ELP2: variants seen among roughly 807,000 people sequenced by gnomAD.
The protein encoded by ELP2 is elongator complex protein 2.
A neutral mutation model predicts 119.2 loss-of-function variants in ELP2; 90 were observed. The ratio of observed to expected loss-of-function variants is 0.75; its 90% CI spans 0.64 to 0.90. The LOEUF is 0.90. Ranked by LOEUF, ELP2 falls within the 40% of genes least tolerant of loss-of-function variation. ELP2 has a pLI of 0.00. For missense variants in ELP2, 921 were observed against 967.8 expected (o/e 0.95, Z 0.64); for synonymous variants, 339 against 331.0 (o/e 1.02, Z -0.26).
chr18:36,156,204 C>T (rs2090567394), intron 12 of ELP2, among the ~76,000 whole-genome samples: 5 of 152,098 alleles, frequency 3.3e-5, no homozygotes, highest in African/African-American at 7.2e-5. Flanking sequence ...TTGAGTAACA[C>T]GTGGTAGATT....
In ELP2 at chr18:36,136,301, T is replaced by G. The variant is rs1299317524; in HGVS notation, c.218-6T>G. The stretch of plus-strand genomic sequence containing the variant: ...AAGATATTTACTGAGATATAATTTT[T>G]TTCAGCCCCTTCTACTGAATTAGTT... On this transcript the variant is annotated splice_polypyrimidine_tract_variant and splice_region_variant and intron_variant, in intron 2 of 21. Transcript: ENST00000358232. The G allele has an allele frequency of 6.2e-7, 1 of 1,606,030 alleles. No individual in the cohort carries two copies. Among genetic ancestry groups the G allele is most frequent in the East Asian group, 2.2e-5 (1 of 44,828 alleles).
intron 20 of ELP2, among the ~76,000 whole-genome samples, chr18:36,170,636 T>A (rs1423494716): frequency 1.3e-5 from 2 of 152,170 alleles, no homozygotes; most frequent in Non-Finnish European, 2.9e-5. Context: ...TTTTGCAAAA[T>A]GCTTATGTTT....
intron 11 of ELP2, among the ~76,000 whole-genome samples, chr18:36,154,348 A>G (rs2050644595): frequency 6.6e-6 from 1 of 152,166 alleles, no homozygotes; most frequent in South Asian, 2.1e-4. Flanking sequence ...CTACACCTGT[A>G]ACTCTTTTTA....
Position 36,136,324 on chromosome 18 carries a change from G to A in ELP2, c.235G>A (p.Val79Ile), listed in dbSNP as rs750459760. Reference sequence around the variant, plus strand: ...TTTTTCAGCCCCTTCTACTGAATTAGTTTCTGGAGGATCTGATAATCAAGT... The same window carrying A: ...TTTTTCAGCCCCTTCTACTGAATTAATTTCTGGAGGATCTGATAATCAAGT... ...KQDGSPSTEL[V>I]SGGSDNQVIH... is the part of the protein sequence containing the mutation. Residue 79 changes from valine to isoleucine, a missense_variant, in exon 3 of 22, where the codon GTT becomes ATT. By Grantham distance (29) the Val-to-Ile change is conservative. Coordinates refer to ENST00000358232, the MANE Select transcript of ELP2 (RefSeq NM_018255.4). 3.7e-6 allele frequency: 6 copies of A among 1,611,512 alleles called. No homozygotes were observed. Among genetic ancestry groups the A allele is most frequent in the Non-Finnish European group, 5.1e-6 (6 of 1,177,630 alleles).
At chr18:36,133,924 T>A (rs1319386644) in intron 2 of ELP2, among the ~76,000 whole-genome samples, 1 of 105,864 alleles carries the variant, frequency 9.4e-6, no homozygotes, top group Non-Finnish European at 2.0e-5. Context: ...TTTTTTTTTT[T>A]TTTGAGATGG....
rs1016283526 is a variant in ELP2 at position 36,156,456 on chromosome 18, T to G, written c.1276-10T>G. 2.5e-6 allele frequency: 4 copies of G among 1,613,906 alleles called. No individual in the cohort carries two copies. Among genetic ancestry groups the G allele is most frequent in the African/African-American group, 1.3e-5 (1 of 75,060 alleles). On this transcript the variant is annotated splice_polypyrimidine_tract_variant and intron_variant, in intron 12 of 21. Transcript: ENST00000358232. ...TGAATGATCATTTTTGTTTATCCCG[T>G]TTTACCCAGGTGACTTGGCATGAAA...
chr18:36,167,359 T>C (rs2090939736), intron 19 of ELP2, 137 bp downstream of exon 19: 2 of 568,762 alleles, frequency 3.5e-6, no homozygotes, highest in African/African-American at 1.9e-5. Flanking sequence ...CTGTTTTTCG[T>C]ATATGTACAT....
chr18:36,167,336 T>C, intron 19 of ELP2, 114 bp downstream of exon 19: 1 of 761,144 alleles, frequency 1.3e-6, no homozygotes, highest in South Asian at 2.1e-5. Flanking sequence ...AAAAATCAGC[T>C]ATGTATTCCT....
At position 36,174,646 on chromosome 18, in the gene ELP2, CT is replaced by C. The variant is rs1355439221; in HGVS notation, c.*7del. The C allele has an allele frequency of 6.2e-7, 1 of 1,613,380 alleles. No individual in the cohort carries two copies. The highest frequency in any genetic ancestry group is 1.7e-5 in the Admixed American group (1 of 60,000). On this transcript the variant is annotated 3_prime_UTR_variant, in exon 22 of 22. Coordinates refer to ENST00000358232, the MANE Select transcript of ELP2 (RefSeq NM_018255.4). Reference sequence around the variant, plus strand: ...GTCAATAAATGTGCACTGTAATGGACTTAATAACTACATGCTTGCAGTCACT... The same window carrying C: ...GTCAATAAATGTGCACTGTAATGGACTAATAACTACATGCTTGCAGTCACT...
rs1408283455 is a variant in ELP2, at chr18:36,133,328, C to T, written c.217+12C>T. ...TAAACAGGATGGCTGTAAGTATTAACCAGATTTTAAAGTTGATCTCAATTG... is the reference window on the plus strand; with the variant it reads ...TAAACAGGATGGCTGTAAGTATTAATCAGATTTTAAAGTTGATCTCAATTG... On this transcript the variant is annotated intron_variant, in intron 2 of 21. Coordinates refer to ENST00000358232, the MANE Select transcript of ELP2 (RefSeq NM_018255.4). 13 of 1,592,374 alleles carry T rather than the reference C, an allele frequency of 8.2e-6. No individual in the cohort carries two copies. The highest frequency in any genetic ancestry group is 1.1e-5 in the Non-Finnish European group (13 of 1,160,284).
intron 2 of ELP2, 102 bp downstream of exon 2, chr18:36,133,418 T>C (rs1220341468): frequency 2.5e-6 from 2 of 796,938 alleles, no homozygotes; most frequent in Non-Finnish European, 4.4e-6. Flanking sequence ...CATTACCTTA[T>C]ATGATGTTAT....
At chr18:36,138,930 AT>A in intron 5 of ELP2, 58 bp downstream of exon 5, 1 of 1,282,114 alleles carries the variant, frequency 7.8e-7, no homozygotes, top group Non-Finnish European at 1.1e-6. Context: ...CTGTCATATG[AT>A]TAGAACCTAA....
intron 17 of ELP2, among the ~76,000 whole-genome samples, chr18:36,163,545 T>A (rs1017353122): frequency 6.6e-6 from 1 of 152,132 alleles, no homozygotes; most frequent in Non-Finnish European, 1.5e-5. Context: ...TCACAAGGAT[T>A]TTTCTGCTGT....
At chr18:36,165,743 G>T (rs1269107853) in intron 18 of ELP2, among the ~76,000 whole-genome samples, 1 of 152,134 alleles carries the variant, frequency 6.6e-6, no homozygotes, top group Admixed American at 6.6e-5. Flanking sequence ...TTGGCTGGGC[G>T]TGGTGGTGCA....
intron 5 of ELP2, among the ~76,000 whole-genome samples, chr18:36,140,226 C>T (rs752901296): frequency 4.0e-5 from 6 of 151,054 alleles, no homozygotes; most frequent in Admixed American, 6.6e-5. Context: ...AGTGCAGTGG[C>T]GCCATCACAG....
rs892912055 is a variant in ELP2 at position 36,130,078 on chromosome 18, G to A, written c.138+7G>A. 5.0e-6 allele frequency: 8 copies of A among 1,614,024 alleles called. No individual in the cohort carries two copies. The highest frequency in any genetic ancestry group is 1.6e-4 in the Middle Eastern group (1 of 6,074). On this transcript the variant is annotated splice_region_variant and intron_variant, in intron 1 of 21. Coordinates refer to ENST00000358232, the MANE Select transcript of ELP2 (RefSeq NM_018255.4). Reference sequence around the variant, plus strand: ...GGTGCTCTATGACCCCCTGGTAAGAGAGGTCGCTGGACGGCCGACCCTTGT... The same window carrying A: ...GGTGCTCTATGACCCCCTGGTAAGAAAGGTCGCTGGACGGCCGACCCTTGT...
chr18:36,171,472 A>AT (rs1209467147), intron 21 of ELP2, among the ~76,000 whole-genome samples: 1 of 152,206 alleles, frequency 6.6e-6, no homozygotes, highest in East Asian at 1.9e-4. Flanking sequence ...TCTTAATTTG[A>AT]TTCAAAATGT....
At chr18:36,137,252 C>T (rs1396639555) in intron 3 of ELP2, 2 of 152,126 alleles carry the variant, frequency 1.3e-5, no homozygotes, top group Non-Finnish European at 2.9e-5. Flanking sequence ...TGATGGTGCA[C>T]TATAGCCAAG....
At position 36,138,185 on chromosome 18, in the gene ELP2, C is replaced by T. The variant is rs189770368; in HGVS notation, c.289-85C>T. 5 of 1,440,270 alleles carry T rather than the reference C, an allele frequency of 3.5e-6. No individual in the cohort carries two copies. In the African/African-American group the frequency reaches 5.6e-5, roughly 16 times the overall value. The allele number at this position is 1,440,270 out of a possible 1,614,324, so 89.2% of individuals were successfully genotyped here. A position where few individuals can be genotyped will look rare whatever the true frequency, so the allele number is the denominator to read the frequency against. ...TTAGAGGACCTATTTCTGGCTCAGC[C>T]ATTTTATTGGCACATTTATCCAATT... On this transcript the variant is annotated intron_variant, in intron 3 of 21. Coordinates refer to ENST00000358232, the MANE Select transcript of ELP2 (RefSeq NM_018255.4).
Sources: gnomAD v4.1 joint callset for allele counts (sites outside exome capture counted in the v4.1 genomes callset) on GRCh38, gnomAD v4.1.1 for gene constraint, MANE v1.5 for transcripts, NCBI Gene and HGNC (gene_info 2026-07-23, HGNC 2026-07-21) for gene names.